Variants in PTPRD observed in about 807,000 individuals in gnomAD.
PTPRD encodes protein tyrosine phosphatase receptor type D.
Under a neutral mutation model 214.5 loss-of-function variants are expected in PTPRD, and 34 were observed. That is an observed-to-expected ratio of 0.16 (90% CI 0.12 to 0.21). The LOEUF (loss-of-function observed/expected upper bound fraction) is 0.21. Ranked by LOEUF, PTPRD falls within the 10% of genes least tolerant of loss-of-function variation. PTPRD has a pLI of 1.00. For synonymous variants in PTPRD, 1,128 were observed against 845.7 expected, an observed-to-expected ratio of 1.33 and a Z score of -5.79; for missense variants, 2,545 against 2,398.7, an observed-to-expected ratio of 1.06 and a Z score of -1.27.
intron 44 of PTPRD, among the ~76,000 whole-genome samples, chr9:8,329,106 G>C (rs1587700089): frequency 6.6e-6 from 1 of 152,056 alleles, no homozygotes; most frequent in Non-Finnish European, 1.5e-5. Flanking sequence ...GAGGAGAAGA[G>C]GCGTGCTGGT....
intron 3 of PTPRD, among the ~76,000 whole-genome samples, chr9:10,187,638 CT>C (rs1038607273): frequency 3.9e-5 from 6 of 152,214 alleles, no homozygotes; most frequent in East Asian, 3.9e-4. Flanking sequence ...AATACTGAAA[CT>C]TTTCTCCCTT....
In PTPRD at chr9:8,317,198, A is replaced by ATAT. The variant is rs1304156882; in HGVS notation, c.*673_*675dup. The ATAT allele has an allele frequency of 2.6e-5, 6 of 231,942 alleles. No individual in the cohort carries two copies. Among genetic ancestry groups the ATAT allele is most frequent in the African/African-American group, 1.1e-4 (5 of 45,232 alleles). 14.4% of individuals were successfully genotyped at this position (231,942 alleles called of 1,614,324 possible). A position where few individuals can be genotyped will look rare whatever the true frequency, so the allele number is the denominator to read the frequency against. ...AATGATTTGATATTTCTACAGCAAG[A>ATAT]TATTACAGATAACAGTTCTACAGCT... is the stretch of plus-strand genomic sequence containing the variant. On this transcript the variant is annotated 3_prime_UTR_variant, in exon 46 of 46. Transcript: ENST00000381196.
chr9:8,535,653 TAAG>T (rs1371307528), intron 14 of PTPRD, among the ~76,000 whole-genome samples: 2 of 151,976 alleles, frequency 1.3e-5, no homozygotes, highest in African/African-American at 4.8e-5. Flanking sequence ...TAGGTCATGT[TAAG>T]AAGGCTATAT....
At position 10,578,667 on chromosome 9, in the gene PTPRD, G is replaced by C. The variant is rs796510840; in HGVS notation, c.-600+33731C>G. 3.3e-5 allele frequency among the ~76,000 whole-genome samples: 5 copies of C among 152,114 alleles called. 1 individual carries two copies. Among genetic ancestry groups the C allele is most frequent in the South Asian group, 2.1e-4 (1 of 4,830 alleles). On this transcript the variant is annotated intron_variant, in intron 2 of 45. Coordinates refer to ENST00000381196, the MANE Select transcript of PTPRD (RefSeq NM_002839.4). ...AATTGAGATTTTGTCATGCCCAAAAGTATTGTGTGAATCAGTAACACACTA... is the reference window on the plus strand; with the variant it reads ...AATTGAGATTTTGTCATGCCCAAAACTATTGTGTGAATCAGTAACACACTA...
chr9:8,765,436 G>C (rs999300480), intron 11 of PTPRD, among the ~76,000 whole-genome samples: 3 of 152,164 alleles, frequency 2.0e-5, no homozygotes, highest in Non-Finnish European at 4.4e-5. Context: ...AGGACACTTA[G>C]GCAGCCCGTG....
At chr9:9,421,180 G>A (rs1439495423) in intron 8 of PTPRD, among the ~76,000 whole-genome samples, 1 of 151,678 alleles carries the variant, frequency 6.6e-6, no homozygotes, top group African/African-American at 2.4e-5. Flanking sequence ...CAATGGCCCT[G>A]CCTTTATATA....
chr9:8,549,903 T>G (rs1320383815), intron 14 of PTPRD, among the ~76,000 whole-genome samples: 9 of 152,194 alleles, frequency 5.9e-5, no homozygotes, highest in Non-Finnish European at 1.0e-4. Flanking sequence ...CTCTTTCATT[T>G]AGCGTATCTA....
rs913691761 is a variant in PTPRD, at chr9:9,795,718, C to A, written c.-367-28867G>T. Among the ~76,000 whole-genome samples, 7 of 152,164 alleles carry A rather than the reference C, an allele frequency of 4.6e-5. 1 individual carries two copies. Among genetic ancestry groups the A allele is most frequent in the Admixed American group, 2.0e-4 (3 of 15,276 alleles). ...AAACCTCCAGCAGTACTTCAAACTG[C>A]AAATACACCTGTGTATGAAGTTGCA... is the stretch of plus-strand genomic sequence containing the variant. On this transcript the variant is annotated intron_variant, in intron 5 of 45. Coordinates refer to ENST00000381196, the MANE Select transcript of PTPRD (RefSeq NM_002839.4).
intron 39 of PTPRD, among the ~76,000 whole-genome samples, chr9:8,349,077 A>G (rs1025018266): frequency 6.6e-6 from 1 of 152,156 alleles, no homozygotes; most frequent in Admixed American, 6.6e-5. Flanking sequence ...AACTTTAAAA[A>G]TAGGAAGCCC....
chr9:9,048,249 C>A (rs1266784232), intron 10 of PTPRD, among the ~76,000 whole-genome samples: 1 of 152,056 alleles, frequency 6.6e-6, no homozygotes, highest in Admixed American at 6.6e-5. Context: ...TTGGAGGTTC[C>A]TCAAAAAACT....
chr9:9,040,571 C>T (rs1272960933), intron 10 of PTPRD, among the ~76,000 whole-genome samples: 3 of 94,610 alleles, frequency 3.2e-5, no homozygotes, highest in Non-Finnish European at 4.6e-5. Context: ...AATAACAGTT[C>T]CCGAAGAATT....
intron 3 of PTPRD, among the ~76,000 whole-genome samples, chr9:10,328,781 T>G (rs576395502): frequency 1.3e-5 from 2 of 151,946 alleles, no homozygotes; most frequent in East Asian, 2.0e-4. Context: ...TCCAACTCAT[T>G]GGAACTTTAG....
At chr9:9,967,179 C>T (rs1377800750) in intron 4 of PTPRD, among the ~76,000 whole-genome samples, 1 of 152,150 alleles carries the variant, frequency 6.6e-6, no homozygotes, top group Non-Finnish European at 1.5e-5. Flanking sequence ...ATGCCTCAGC[C>T]ACTCTTTGCC....
At chr9:10,210,826 T>TATATATATATAC (rs57732407) in intron 3 of PTPRD, among the ~76,000 whole-genome samples, 2 of 79,608 alleles carry the variant, frequency 2.5e-5, no homozygotes, top group Non-Finnish European at 4.6e-5. Flanking sequence ...TATATATGTA[T>TATATATATATAC]GTATGTATGT....
chr9:8,869,034 C>T (rs187786748), intron 11 of PTPRD, among the ~76,000 whole-genome samples: 1 of 152,218 alleles, frequency 6.6e-6, no homozygotes, highest in African/African-American at 2.4e-5. Context: ...ATTCCAACCA[C>T]CCTACCTCCA....
intron 3 of PTPRD, among the ~76,000 whole-genome samples, chr9:10,075,536 G>T (rs1267302957): frequency 6.6e-6 from 1 of 151,568 alleles, no homozygotes; most frequent in Non-Finnish European, 1.5e-5. Context: ...TGTATTTATT[G>T]TTATGATTAT....
intron 14 of PTPRD, among the ~76,000 whole-genome samples, chr9:8,614,417 A>G (rs2095544736): frequency 6.6e-6 from 1 of 152,172 alleles, no homozygotes; most frequent in Non-Finnish European, 1.5e-5. Flanking sequence ...TATTCATAGT[A>G]AAAGACCTCC....
intron 35 of PTPRD, among the ~76,000 whole-genome samples, chr9:8,413,116 G>A (rs891141624): frequency 6.6e-6 from 1 of 152,116 alleles, no homozygotes. Context: ...AATCAAATAT[G>A]AAAATGTCTA....
chr9:9,903,639 A>G (rs1214294843), intron 5 of PTPRD, among the ~76,000 whole-genome samples: 1 of 152,162 alleles, frequency 6.6e-6, no homozygotes, highest in Non-Finnish European at 1.5e-5. Flanking sequence ...AAAATAAGAT[A>G]TAATTAAACA....
Sources: gnomAD v4.1 joint callset for allele counts (sites outside exome capture counted in the v4.1 genomes callset) on GRCh38, gnomAD v4.1.1 for gene constraint, MANE v1.5 for transcripts, NCBI Gene and HGNC (gene_info 2026-07-23, HGNC 2026-07-21) for gene names.